Variants in PRKCH observed in about 807,000 individuals in gnomAD.
PRKCH encodes protein kinase C eta.
PRKCH carries 28 observed loss-of-function variants against 82.5 expected under a neutral mutation model. The ratio of observed to expected loss-of-function variants is 0.34; its 90% CI spans 0.25 to 0.47. The LOEUF (loss-of-function observed/expected upper bound fraction) is 0.47, where lower values mean the gene tolerates loss of function less well. Among genes scored for constraint, PRKCH ranks in the 20% least tolerant of loss-of-function variants. PRKCH has a pLI of 1.00. For missense variants in PRKCH, 705 were observed against 881.8 expected (o/e 0.80, Z 2.54); for synonymous variants, 322 against 327.4 (o/e 0.98, Z 0.18).
At chr14:61,509,262 A>G (rs964425156) in intron 10 of PRKCH, among the ~76,000 whole-genome samples, 5 of 152,130 alleles carry the variant, frequency 3.3e-5, no homozygotes, top group African/African-American at 7.2e-5. Flanking sequence ...CCTTCACCCT[A>G]TGACTGGCAT....
At chr14:61,234,819 G>A (rs2044774235) in intron 1 of PRKCH, among the ~76,000 whole-genome samples, 1 of 152,184 alleles carries the variant, frequency 6.6e-6, no homozygotes, top group Non-Finnish European at 1.5e-5. Flanking sequence ...TAGCCCCTCA[G>A]GGCCATCAGC....
intron 2 of PRKCH, among the ~76,000 whole-genome samples, chr14:61,422,090 TTTTG>T (rs1170055497): frequency 1.3e-5 from 2 of 152,152 alleles, no homozygotes; most frequent in African/African-American, 4.8e-5. Context: ...TGTTTTTGTT[TTTTG>T]TTTTTTTGAG....
intron 10 of PRKCH, among the ~76,000 whole-genome samples, chr14:61,527,766 G>T (rs1175378972): frequency 6.6e-6 from 1 of 152,084 alleles, no homozygotes; most frequent in Non-Finnish European, 1.5e-5. Context: ...TCTGTCCTGT[G>T]CTGCCCGCCC....
At chr14:61,305,936 A>G (rs1355881701) in intron 1 of PRKCH, 2 of 152,226 alleles carry the variant, frequency 1.3e-5, no homozygotes, top group Non-Finnish European at 2.9e-5. Flanking sequence ...GGAGTTACAG[A>G]GAGTCTGGAT....
intron 10 of PRKCH, among the ~76,000 whole-genome samples, chr14:61,499,561 T>C (rs1886808706): frequency 6.6e-6 from 1 of 152,176 alleles, no homozygotes; most frequent in Admixed American, 6.5e-5. Context: ...CATGTAAGCC[T>C]GTGCTTTCAC....
intron 1 of PRKCH, among the ~76,000 whole-genome samples, chr14:61,243,398 A>G (rs2044856792): frequency 1.3e-5 from 2 of 151,476 alleles, no homozygotes; most frequent in African/African-American, 4.8e-5. Context: ...AAAAAAAAAA[A>G]AAAAGAAAAA....
intron 1 of PRKCH, among the ~76,000 whole-genome samples, chr14:61,254,431 A>G (rs1031110343): frequency 1.3e-5 from 2 of 152,060 alleles, no homozygotes; most frequent in African/African-American, 4.8e-5. Flanking sequence ...TGGGCAACAT[A>G]GGGAGACTTC....
chr14:61,270,734 A>C (rs1308020141), intron 1 of PRKCH, among the ~76,000 whole-genome samples: 1 of 152,234 alleles, frequency 6.6e-6, no homozygotes, highest in African/African-American at 2.4e-5. Context: ...GCACGTAGTG[A>C]GACTGAGGAG....
At chr14:61,477,552 CGCTT>C (rs1053320833) in intron 9 of PRKCH, among the ~76,000 whole-genome samples, 4 of 152,150 alleles carry the variant, frequency 2.6e-5, no homozygotes, top group African/African-American at 9.7e-5. Context: ...TAAAAAGTCT[CGCTT>C]ACAGTAATAT....
rs999270215 is a variant in PRKCH at position 61,508,230 on chromosome 14, C to T, written c.1434-20845C>T. Among the ~76,000 whole-genome samples, 10 of 152,224 alleles carry T rather than the reference C, an allele frequency of 6.6e-5. No homozygotes were observed. In the South Asian group the frequency reaches 1.7e-3, roughly 25 times the overall value. On this transcript the variant is annotated intron_variant, in intron 10 of 13. Coordinates refer to ENST00000332981, the MANE Select transcript of PRKCH (RefSeq NM_006255.5). ...AAAAAACCACAGCTCACAAAATGCC[C>T]ATGATTGCTGATTTGATTAAAACAA... is the stretch of plus-strand genomic sequence containing the variant.
At chr14:61,374,702 G>A (rs2046408477) in intron 1 of PRKCH, among the ~76,000 whole-genome samples, 1 of 151,994 alleles carries the variant, frequency 6.6e-6, no homozygotes, top group African/African-American at 2.4e-5. Context: ...GACACAGGAT[G>A]TCAGGTCTCA....
At chr14:61,491,906 A>T (rs1217482276) in intron 10 of PRKCH, among the ~76,000 whole-genome samples, 1 of 152,248 alleles carries the variant, frequency 6.6e-6, no homozygotes, top group Non-Finnish European at 1.5e-5. Flanking sequence ...AGTAGCAACC[A>T]TGACTAGTGC....
chr14:61,498,451 C>A (rs1013675910), intron 10 of PRKCH, among the ~76,000 whole-genome samples: 2 of 152,148 alleles, frequency 1.3e-5, no homozygotes, highest in Admixed American at 6.5e-5. Context: ...TCTGTGAAAC[C>A]CAGTTCTACA....
chr14:61,301,140 C>T (rs921593894), intron 1 of PRKCH, among the ~76,000 whole-genome samples: 2 of 152,144 alleles, frequency 1.3e-5, no homozygotes, highest in South Asian at 4.1e-4. Flanking sequence ...ATCCACTTCT[C>T]GTGTGTCCAT....
At chr14:61,286,157 T>C (rs1014114262) in intron 1 of PRKCH, among the ~76,000 whole-genome samples, 5 of 152,240 alleles carry the variant, frequency 3.3e-5, no homozygotes, top group African/African-American at 7.2e-5. Context: ...TTCCCTTATA[T>C]AGGTTTATAC....
intron 1 of PRKCH, among the ~76,000 whole-genome samples, chr14:61,345,954 T>C: frequency 6.6e-6 from 1 of 151,670 alleles, no homozygotes; most frequent in Non-Finnish European, 1.5e-5. Context: ...CTGCCTCAGG[T>C]GGTTGATATG....
chr14:61,503,574 G>C (rs2210821), intron 10 of PRKCH, among the ~76,000 whole-genome samples: 1 of 152,046 alleles, frequency 6.6e-6, no homozygotes, highest in African/African-American at 2.4e-5. Flanking sequence ...TGTAAAATAT[G>C]AAGTGTGTAT....
chr14:61,224,703 T>C (rs1017229717), intron 1 of PRKCH, among the ~76,000 whole-genome samples: 3 of 152,224 alleles, frequency 2.0e-5, no homozygotes, highest in Admixed American at 6.5e-5. Flanking sequence ...ACATGACTTA[T>C]TATCCTTGTT....
intron 2 of PRKCH, among the ~76,000 whole-genome samples, chr14:61,431,001 G>T (rs529437097): frequency 1.3e-5 from 2 of 152,154 alleles, no homozygotes; most frequent in African/African-American, 4.8e-5. Context: ...CGATCCGCCC[G>T]CCTCGGCCTC....
Sources: allele counts gnomAD v4.1 joint callset (sites outside exome capture counted in the v4.1 genomes callset), GRCh38; gene constraint gnomAD v4.1.1; transcripts MANE v1.5; gene names NCBI Gene and HGNC (gene_info 2026-07-23, HGNC 2026-07-21).